CTNNA2: variants seen among roughly 807,000 people sequenced by gnomAD.
The protein encoded by CTNNA2 is catenin alpha-2.
Under a neutral mutation model 101.0 loss-of-function variants are expected in CTNNA2, and 42 were observed. The observed-to-expected ratio is 0.42, with a 90% confidence interval of 0.32 to 0.54. The LOEUF (loss-of-function observed/expected upper bound fraction) is 0.54. Ranked by LOEUF, CTNNA2 falls within the 20% of genes least tolerant of loss-of-function variation. The pLI is 0.14. For synonymous variants in CTNNA2, 450 were observed against 456.4 expected, an observed-to-expected ratio of 0.99 and a Z score of 0.18; for missense variants, 871 against 1,223.1, an observed-to-expected ratio of 0.71 and a Z score of 4.29.
intron 7 of CTNNA2, among the ~76,000 whole-genome samples, chr2:80,243,831 A>G (rs1274954243): frequency 3.3e-5 from 5 of 152,188 alleles, no homozygotes; most frequent in Admixed American, 1.3e-4. Context: ...ATGAAAGAGT[A>G]TGTTTGACTT....
intron 4 of CTNNA2, among the ~76,000 whole-genome samples, chr2:79,477,367 C>T (rs1387636459): frequency 1.3e-5 from 2 of 151,892 alleles, no homozygotes; most frequent in African/African-American, 4.8e-5. Context: ...GTAGGGATTT[C>T]ACCATGTTGG....
At chr2:80,548,971 T>C (rs2149640916) in intron 11 of CTNNA2, among the ~76,000 whole-genome samples, 1 of 152,336 alleles carries the variant, frequency 6.6e-6, no homozygotes, top group South Asian at 2.1e-4. Context: ...AGATCTTTGT[T>C]TTTAAAAGAT....
chr2:79,383,027 G>A lies in CTNNA2; in HGVS notation c.-135+9014G>A, dbSNP rs186412528. On this transcript the variant is annotated intron_variant, in intron 4 of 21. Transcript: ENST00000466387. ...GAAGAATAACACATTGAGAGGTTGC[G>A]CTCAACTTCCTAACTGTAATAAGTC... Among the ~76,000 whole-genome samples the A allele has an allele frequency of 2.1e-3, 325 of 152,250 alleles. 1 individual carries two copies. The highest frequency in any genetic ancestry group is 4.0e-3 in the Non-Finnish European group (269 of 68,006).
intron 3 of CTNNA2, among the ~76,000 whole-genome samples, chr2:79,809,558 CAT>C (rs1167032356): frequency 6.6e-5 from 10 of 152,080 alleles, no homozygotes; most frequent in Non-Finnish European, 1.2e-4. Context: ...AGCTTTTTTT[CAT>C]ATGTTTCTTA....
At chr2:80,647,434 A>AAAAACCTTAACTTGTGAT in intron 18 of CTNNA2, 151 bp from the exon 19 acceptor site, 1 of 651,418 alleles carries the variant, frequency 1.5e-6, no homozygotes, top group Non-Finnish European at 2.5e-6. Flanking sequence ...TTGAGATTTT[A>AAAAACCTTAACTTGTGAT]AAAACCTTAA....
chr2:79,314,526 G>C (rs1676453416), intron 3 of CTNNA2, among the ~76,000 whole-genome samples: 1 of 152,348 alleles, frequency 6.6e-6, no homozygotes, highest in Admixed American at 6.5e-5. Context: ...TGAGGATCCA[G>C]TAGTAATAAG....
intron 7 of CTNNA2, among the ~76,000 whole-genome samples, chr2:80,107,474 A>C (rs985500423): frequency 2.4e-4 from 37 of 152,136 alleles, no homozygotes; most frequent in African/African-American, 7.7e-4. Flanking sequence ...ATGGCCGGAC[A>C]TCAGGGAAGA....
At chr2:80,601,953 T>A (rs909062618) in intron 15 of CTNNA2, 1 of 152,124 alleles carries the variant, frequency 6.6e-6, no homozygotes, top group African/African-American at 2.4e-5. Context: ...AAAAGTGTAC[T>A]AAATTATGAT....
At chr2:79,473,061 CTTG>C (rs1671016332) in intron 4 of CTNNA2, among the ~76,000 whole-genome samples, 1 of 152,138 alleles carries the variant, frequency 6.6e-6, no homozygotes, top group South Asian at 2.1e-4. Context: ...TGACAATGAC[CTTG>C]ACCATCCATG....
chr2:80,401,752 G>A (rs750252165), intron 8 of CTNNA2, among the ~76,000 whole-genome samples: 28 of 150,906 alleles, frequency 1.9e-4, no homozygotes, highest in South Asian at 6.3e-4. Context: ...GTCAATACCT[G>A]TTTTCAGGGG....
intron 4 of CTNNA2, among the ~76,000 whole-genome samples, chr2:79,450,007 T>C (rs1678873614): frequency 6.6e-6 from 1 of 151,816 alleles, no homozygotes; most frequent in Non-Finnish European, 1.5e-5. Context: ...AGAAGAAAAA[T>C]TGGTGGGATG....
At chr2:79,896,563 AC>A (rs1191136537) in intron 6 of CTNNA2, among the ~76,000 whole-genome samples, 2 of 152,214 alleles carry the variant, frequency 1.3e-5, no homozygotes, top group African/African-American at 4.8e-5. Flanking sequence ...TTTATCAAAT[AC>A]TTATGTATGA....
At chr2:80,600,228 A>G (rs1697364730) in intron 15 of CTNNA2, among the ~76,000 whole-genome samples, 2 of 152,064 alleles carry the variant, frequency 1.3e-5, no homozygotes, top group Non-Finnish European at 2.9e-5. Context: ...TGGATTTAAT[A>G]TCTAAATATA....
intron 12 of CTNNA2, among the ~76,000 whole-genome samples, chr2:80,565,009 T>G (rs539412656): frequency 6.6e-6 from 1 of 152,162 alleles, no homozygotes; most frequent in Non-Finnish European, 1.5e-5. Context: ...TTGAAGACAC[T>G]TAAGATTTAA....
At chr2:80,182,191 A>G (rs1705828439) in intron 7 of CTNNA2, among the ~76,000 whole-genome samples, 1 of 152,154 alleles carries the variant, frequency 6.6e-6, no homozygotes, top group Non-Finnish European at 1.5e-5. Context: ...TTAGTCTGTA[A>G]CCAAAGCCCA....
chr2:80,499,319 G>C (rs7608479), intron 9 of CTNNA2, among the ~76,000 whole-genome samples: 1,881 of 152,288 alleles, frequency 0.012, 42 homozygotes, highest in African/African-American at 0.043. Context: ...CTATGCTGCA[G>C]TGAACTTAGT....
chr2:79,251,237 A>G (rs947547914), intron 2 of CTNNA2, among the ~76,000 whole-genome samples: 1 of 152,204 alleles, frequency 6.6e-6, no homozygotes, highest in Admixed American at 6.5e-5. Context: ...AGCAGGCTGC[A>G]GCCACTTCCA....
At chr2:79,188,879 A>G (rs966977340) in intron 1 of CTNNA2, among the ~76,000 whole-genome samples, 6 of 152,312 alleles carry the variant, frequency 3.9e-5, no homozygotes, top group Non-Finnish European at 8.8e-5. Flanking sequence ...ACTCCATTGA[A>G]AGCAATACAC....
chr2:79,806,597 T>C (rs1226480721), intron 3 of CTNNA2, among the ~76,000 whole-genome samples: 4 of 151,996 alleles, frequency 2.6e-5, no homozygotes, highest in Admixed American at 1.3e-4. Context: ...GAGGGTACCA[T>C]GTGCACACTA....
Sources: allele counts gnomAD v4.1 joint callset (sites outside exome capture counted in the v4.1 genomes callset), GRCh38; gene constraint gnomAD v4.1.1; transcripts MANE v1.5; gene names NCBI Gene and HGNC (gene_info 2026-07-23, HGNC 2026-07-21).